The following TCF12 variants were observed in gnomAD, a reference collection of about 807,000 sequenced individuals.
The protein encoded by TCF12 is DNA-binding protein HTF4.
TCF12 carries 45 observed loss-of-function variants against 86.0 expected under a neutral mutation model. The ratio of observed to expected loss-of-function variants is 0.52; its 90% CI spans 0.41 to 0.67. TCF12 has a LOEUF of 0.67. TCF12 is among the 30% of genes least tolerant of loss of function. The pLI, the probability that TCF12 is intolerant of heterozygous loss-of-function variation, is 0.00. For synonymous variants in TCF12, 330 were observed against 299.6 expected, an observed-to-expected ratio of 1.10 and a Z score of -1.05; for missense variants, 881 against 859.9, an observed-to-expected ratio of 1.02 and a Z score of -0.31.
chr15:57,201,199 G>A (rs1255348070), intron 8 of TCF12, among the ~76,000 whole-genome samples: 2 of 152,034 alleles, frequency 1.3e-5, no homozygotes, highest in Non-Finnish European at 2.9e-5. Flanking sequence ...TGGACACCGA[G>A]AATTCAAACA....
intron 6 of TCF12, among the ~76,000 whole-genome samples, chr15:57,187,812 C>T (rs1324344687): frequency 1.3e-5 from 2 of 152,088 alleles, no homozygotes; most frequent in Non-Finnish European, 2.9e-5. Flanking sequence ...CGCCTTTAAT[C>T]CCAGGTACTC....
intron 5 of TCF12, chr15:57,092,147 C>G: frequency 3.0e-6 from 1 of 331,756 alleles, no homozygotes; most frequent in Non-Finnish European, 5.6e-6. Context: ...TTGGCAATGT[C>G]TTTGTGACCT....
chr15:57,021,118 T>C (rs1352330986), intron 3 of TCF12, among the ~76,000 whole-genome samples: 2 of 152,334 alleles, frequency 1.3e-5, no homozygotes, highest in Middle Eastern at 3.4e-3. Flanking sequence ...AACAAAATTA[T>C]GAACACGCTT....
intron 3 of TCF12, among the ~76,000 whole-genome samples, chr15:56,946,150 A>G (rs2060985465): frequency 6.6e-6 from 1 of 152,180 alleles, no homozygotes; most frequent in African/African-American, 2.4e-5. Context: ...TTGTTCATCA[A>G]ATTTGAAAAC....
At chr15:57,118,187 C>T (rs1380976207) in intron 5 of TCF12, among the ~76,000 whole-genome samples, 3 of 152,212 alleles carry the variant, frequency 2.0e-5, no homozygotes, top group African/African-American at 4.8e-5. Context: ...AGCACAGACA[C>T]AGCTTGGTCC....
rs150990351 is a variant in TCF12 at position 57,131,100 on chromosome 15, C to T, written c.326-35302C>T. 4.3e-3 allele frequency among the ~76,000 whole-genome samples: 651 copies of T among 152,230 alleles called. 8 individuals carry two copies. Among genetic ancestry groups the T allele is most frequent in the Admixed American group, 0.023 (359 of 15,288 alleles). ...ACTGTTAATAAGATATTTCCTGTGTCTTTGGGGGCAAAAGGTTCAAACGTA... is the reference window on the plus strand; with the variant it reads ...ACTGTTAATAAGATATTTCCTGTGTTTTTGGGGGCAAAAGGTTCAAACGTA... On this transcript the variant is annotated intron_variant, in intron 5 of 20. Coordinates refer to ENST00000333725, the MANE Select transcript of TCF12 (RefSeq NM_207037.2).
intron 3 of TCF12, among the ~76,000 whole-genome samples, chr15:57,008,354 C>T (rs2064602193): frequency 1.3e-5 from 2 of 148,554 alleles, no homozygotes; most frequent in Admixed American, 7.0e-5. Context: ...ACTCCACTCA[C>T]ATTAGCCATG....
intron 4 of TCF12, among the ~76,000 whole-genome samples, chr15:57,078,094 G>A (rs1162126417): frequency 6.6e-6 from 1 of 152,120 alleles, no homozygotes; most frequent in African/African-American, 2.4e-5. Context: ...TGACACCAGA[G>A]GTGCTTATTG....
chr15:57,129,350 T>C (rs906226130), intron 5 of TCF12, among the ~76,000 whole-genome samples: 1 of 152,182 alleles, frequency 6.6e-6, no homozygotes, highest in African/African-American at 2.4e-5. Context: ...GGCTTCAGCC[T>C]AGGAGTTCGA....
chr15:56,925,823 G>T (rs545769348), intron 3 of TCF12, among the ~76,000 whole-genome samples: 2 of 151,966 alleles, frequency 1.3e-5, no homozygotes, highest in South Asian at 2.1e-4. Context: ...AATCTAAATT[G>T]TTTGTGTTTA....
intron 6 of TCF12, among the ~76,000 whole-genome samples, chr15:57,185,948 A>G (rs1465295622): frequency 6.6e-6 from 1 of 152,088 alleles, no homozygotes; most frequent in African/African-American, 2.4e-5. Flanking sequence ...ATTGACTGAG[A>G]AAAAAAAGAA....
chr15:56,970,790 C>T (rs1232648273), intron 3 of TCF12, among the ~76,000 whole-genome samples: 1 of 152,054 alleles, frequency 6.6e-6, no homozygotes, highest in African/African-American at 2.4e-5. Flanking sequence ...TGGCTCATGC[C>T]TGTAATCTCA....
chr15:56,993,952 C>G (rs1232083337), intron 3 of TCF12, among the ~76,000 whole-genome samples: 1 of 152,104 alleles, frequency 6.6e-6, no homozygotes, highest in Non-Finnish European at 1.5e-5. Context: ...TTGGAATTAT[C>G]TGACAGAGAT....
At chr15:56,996,398 G>T (rs2063715066) in intron 3 of TCF12, among the ~76,000 whole-genome samples, 1 of 152,184 alleles carries the variant, frequency 6.6e-6, no homozygotes, top group African/African-American at 2.4e-5. Context: ...GTGGGGAAAA[G>T]ACTTCCTATT....
intron 5 of TCF12, chr15:57,129,899 A>G (rs1295605119): frequency 6.6e-6 from 1 of 152,270 alleles, no homozygotes; most frequent in African/African-American, 2.4e-5. Context: ...TATTCGTGCT[A>G]GATTCAACAC....
intron 18 of TCF12, among the ~76,000 whole-genome samples, chr15:57,266,292 G>T (rs1393112350): frequency 4.6e-5 from 7 of 151,872 alleles, no homozygotes; most frequent in African/African-American, 1.7e-4. Context: ...TTTCCAGGCT[G>T]GTTTTAAACT....
At chr15:57,197,190 CTT>C (rs1384437249) in intron 7 of TCF12, among the ~76,000 whole-genome samples, 1 of 105,696 alleles carries the variant, frequency 9.5e-6, no homozygotes, top group Non-Finnish European at 1.8e-5. Context: ...GAGGTTCTCT[CTT>C]GTTACCCAGG....
intron 3 of TCF12, among the ~76,000 whole-genome samples, chr15:56,966,312 T>G (rs574211332): frequency 2.6e-4 from 39 of 152,326 alleles, no homozygotes; most frequent in African/African-American, 8.9e-4. Context: ...GTTTTGCCAT[T>G]ACTTTCAATG....
intron 5 of TCF12, among the ~76,000 whole-genome samples, chr15:57,158,008 A>G (rs1489267715): frequency 6.6e-6 from 1 of 152,054 alleles, no homozygotes; most frequent in Admixed American, 6.6e-5. Flanking sequence ...TGGCCATTCT[A>G]ATGATGGAAA....
Sources: allele counts gnomAD v4.1 joint callset (sites outside exome capture counted in the v4.1 genomes callset), GRCh38; gene constraint gnomAD v4.1.1; transcripts MANE v1.5; gene names NCBI Gene and HGNC (gene_info 2026-07-23, HGNC 2026-07-21).